ACOT12: variants seen among roughly 807,000 people sequenced by gnomAD.
The protein encoded by ACOT12 is acyl-CoA thioesterase 12, also known as acetyl-coenzyme A thioesterase.
In ACOT12, 51 loss-of-function variants were observed where a neutral mutation model predicts 67.7. The observed-to-expected ratio is 0.75, with a 90% confidence interval of 0.60 to 0.95. ACOT12 has a LOEUF of 0.95. Ranked by LOEUF, ACOT12 falls within the 40% of genes least tolerant of loss-of-function variation. The pLI is 0.00. For missense variants in ACOT12, 734 were observed against 708.1 expected (o/e 1.04, Z -0.41); for synonymous variants, 251 against 244.6 (o/e 1.03, Z -0.24).
intron 7 of ACOT12, among the ~76,000 whole-genome samples, chr5:81,345,273 C>G (rs1759345275): frequency 6.6e-6 from 1 of 152,150 alleles, no homozygotes; most frequent in African/African-American, 2.4e-5. Flanking sequence ...TTTTACTTCC[C>G]CACTTTCAAG....
At chr5:81,346,853 A>G (rs1045749120) in intron 6 of ACOT12, among the ~76,000 whole-genome samples, 2 of 152,192 alleles carry the variant, frequency 1.3e-5, no homozygotes, top group African/African-American at 4.8e-5. Flanking sequence ...AACCTTAAAA[A>G]TTTTCAATGG....
At chr5:81,331,669 G>T (rs181574014) in intron 13 of ACOT12, among the ~76,000 whole-genome samples, 45 of 152,222 alleles carry the variant, frequency 3.0e-4, no homozygotes, top group African/African-American at 1.0e-3. Flanking sequence ...AAGTGAACAC[G>T]CTTAACATTT....
In ACOT12 at chr5:81,362,622, C is replaced by A. The variant is rs190339374; in HGVS notation, c.360+1166G>T. On this transcript the variant is annotated intron_variant, in intron 4 of 14. Coordinates refer to ENST00000307624, the MANE Select transcript of ACOT12 (RefSeq NM_130767.3). ...TTGCGCTCAGATACGGGCACCTGCA[C>A]CCATCCCCTATTCTCTCACTTCCAA... 3.4e-4 allele frequency among the ~76,000 whole-genome samples: 51 copies of A among 152,232 alleles called. 1 individual carries two copies. Among genetic ancestry groups the A allele is most frequent in the Admixed American group, 2.9e-3 (44 of 15,286 alleles).
At chr5:81,379,578 C>T (rs550010140) in intron 2 of ACOT12, among the ~76,000 whole-genome samples, 45 of 152,262 alleles carry the variant, frequency 3.0e-4, no homozygotes, top group African/African-American at 9.9e-4. Context: ...CATTATCATT[C>T]CCATTTCATT....
the ACOT12 span, among the ~76,000 whole-genome samples, chr5:81,317,484 A>G: frequency 2.1e-4 from 32 of 150,120 alleles, no homozygotes; most frequent in African/African-American, 7.2e-4. Context: ...CCTGGGCAAG[A>G]AAGCGAGACT....
chr5:81,369,170 C>T (rs1427255022), intron 3 of ACOT12, among the ~76,000 whole-genome samples: 3 of 151,178 alleles, frequency 2.0e-5, no homozygotes. Context: ...AAAAAAAACT[C>T]ACACTCATAT....
chr5:81,381,719 T>C (rs1251452008), intron 2 of ACOT12, among the ~76,000 whole-genome samples: 1 of 152,000 alleles, frequency 6.6e-6, no homozygotes, highest in Non-Finnish European at 1.5e-5. Context: ...CAGGGTGAAA[T>C]GGGTCTGTTT....
intron 4 of ACOT12, among the ~76,000 whole-genome samples, chr5:81,362,967 A>T (rs1373378564): frequency 2.0e-5 from 3 of 152,142 alleles, no homozygotes; most frequent in African/African-American, 7.2e-5. Context: ...ACTTTGGGAG[A>T]TCAAGGCAGG....
Position 81,330,862 on chromosome 5 carries a change from G to T in ACOT12, c.1470C>A (p.Ile490=). 1 of 1,614,094 alleles carries T rather than the reference G, an allele frequency of 6.2e-7. No individual in the cohort carries two copies. ...CATGGATGAGAAATCCGGCACATAT[G>T]ATTTCACTTCTGATGTACTGTGGAG... The part of the protein sequence containing the change: ...PPSPQYIRSE[I]ICAGFLIHAI... The change falls in exon 14 of 15, where the codon ATC becomes ATA. Residue 490 remains isoleucine (I), a synonymous_variant. Coordinates refer to ENST00000307624, the MANE Select transcript of ACOT12 (RefSeq NM_130767.3).
chr5:81,393,995 G>A lies in ACOT12; in HGVS notation c.120C>T (p.Cys40=). 7.2e-7 allele frequency: 1 copy of A among 1,387,092 alleles called. No homozygotes were observed. Among genetic ancestry groups the A allele is most frequent in the South Asian group, 1.7e-5 (1 of 60,372 alleles). 85.9% of individuals were successfully genotyped at this position (1,387,092 alleles called of 1,614,324 possible). ...GCCCCGGCGCCCGCCTACCCGCCAG[G>A]CAGGCGGTGGTGTCGATCCACTTGA... is the stretch of plus-strand genomic sequence containing the variant. The part of the protein sequence containing the change: ...QLLKWIDTTA[C]LAAEKHAGVS... The change falls in exon 1 of 15, where the codon TGC becomes TGT. Residue 40 remains cysteine, a synonymous_variant. Coordinates refer to ENST00000307624, the MANE Select transcript of ACOT12 (RefSeq NM_130767.3).
At chr5:81,327,213 C>T (rs1009180433), downstream of ACOT12, among the ~76,000 whole-genome samples, 2 of 144,062 alleles carry the variant, frequency 1.4e-5, no homozygotes, top group African/African-American at 5.3e-5. Flanking sequence ...TATATACACA[C>T]ACACACACAT....
intron 2 of ACOT12, among the ~76,000 whole-genome samples, chr5:81,372,741 G>A (rs950927603): frequency 2.6e-5 from 4 of 152,046 alleles, no homozygotes; most frequent in South Asian, 2.1e-4. Flanking sequence ...TAAAAACATC[G>A]TTTATTTTTC....
intron 5 of ACOT12, among the ~76,000 whole-genome samples, chr5:81,355,126 T>A (rs1428184084): frequency 1.3e-5 from 2 of 152,208 alleles, no homozygotes; most frequent in African/African-American, 4.8e-5. Flanking sequence ...CTGAGAAGCA[T>A]CTGTCTTTAA....
chr5:81,310,477 GA>G, the ACOT12 span, among the ~76,000 whole-genome samples: 218 of 145,878 alleles, frequency 1.5e-3, 1 homozygote, highest in East Asian at 0.026. Context: ...AGATTTGGGG[GA>G]AAAAAAAAAG....
the ACOT12 span, among the ~76,000 whole-genome samples, chr5:81,320,293 TAA>T: frequency 1.3e-5 from 2 of 152,050 alleles, no homozygotes; most frequent in Non-Finnish European, 2.9e-5. Context: ...GGAAAGGAAA[TAA>T]AGTCAAGGGC....
intron 14 of ACOT12, 127 bp downstream of exon 14, chr5:81,330,687 A>G: frequency 1.3e-6 from 2 of 1,492,940 alleles, no homozygotes; most frequent in Non-Finnish European, 1.8e-6. Context: ...CGAAAGGATG[A>G]CCTTAGGATT....
chr5:81,368,554 A>AATC (rs1760151196), intron 3 of ACOT12, among the ~76,000 whole-genome samples: 3 of 152,254 alleles, frequency 2.0e-5, no homozygotes, highest in Non-Finnish European at 4.4e-5. Context: ...TATCTGGAAA[A>AATC]ATCATCAGAG....
chr5:81,349,250 A>AT (rs1759479800), intron 5 of ACOT12, among the ~76,000 whole-genome samples: 1 of 151,944 alleles, frequency 6.6e-6, no homozygotes, highest in South Asian at 2.1e-4. Context: ...GATCTCTTTT[A>AT]TTTTTTCTTA....
chr5:81,332,410 C>T (rs983717072), intron 13 of ACOT12, 67 bp downstream of exon 13: 2 of 1,537,764 alleles, frequency 1.3e-6, no homozygotes, highest in East Asian at 2.3e-5. Context: ...ATTATTTTCA[C>T]ATCAACTTTT....
Sources: gnomAD v4.1 joint callset for allele counts (sites outside exome capture counted in the v4.1 genomes callset) on GRCh38, gnomAD v4.1.1 for gene constraint, MANE v1.5 for transcripts, NCBI Gene and HGNC (gene_info 2026-07-23, HGNC 2026-07-21) for gene names.